The following GRK7 variants were observed in gnomAD, a reference collection of about 807,000 sequenced individuals.
GRK7 encodes rhodopsin kinase GRK7.
In GRK7, 24 loss-of-function variants were observed where a neutral mutation model predicts 34.1. The observed-to-expected ratio is 0.70, with a 90% confidence interval of 0.51 to 0.99. The LOEUF (loss-of-function observed/expected upper bound fraction) is 0.99. GRK7 is among the 50% of genes least tolerant of loss of function. The pLI is 0.00. For synonymous variants in GRK7, 256 were observed against 279.4 expected (o/e 0.92, Z 0.84); for missense variants, 644 against 707.3 (o/e 0.91, Z 1.02).
intron 1 of GRK7, among the ~76,000 whole-genome samples, chr3:141,770,994 CAAAAAA>C (rs55988355): frequency 2.4e-5 from 2 of 84,768 alleles, no homozygotes; most frequent in African/African-American, 9.3e-5. Flanking sequence ...TACCCAGTCT[CAAAAAA>C]AAAAAAAAAA....
rs1236022486 is a variant in GRK7 at position 141,802,861 on chromosome 3, C to T, written c.1051-4784C>T. Among the ~76,000 whole-genome samples the T allele has an allele frequency of 2.0e-5, 3 of 152,258 alleles. No individual in the cohort carries two copies. The East Asian group carries it at 5.8e-4, about 29-fold the overall frequency. Reference sequence around the variant, plus strand: ...CTCTCTCCTGTGCTTCCTCCTTGTGCCTCTTCCAGAAGACTCCCTTGTGCC... The same window carrying T: ...CTCTCTCCTGTGCTTCCTCCTTGTGTCTCTTCCAGAAGACTCCCTTGTGCC... On this transcript the variant is annotated intron_variant, in intron 4 of 5. Coordinates refer to ENST00000682958, the MANE Select transcript of GRK7 (RefSeq NM_139209.3).
intron 4 of GRK7, among the ~76,000 whole-genome samples, chr3:141,804,911 T>TCA (rs145896782): frequency 6.7e-6 from 1 of 149,238 alleles, no homozygotes; most frequent in African/African-American, 2.5e-5. Flanking sequence ...ATACGCATGC[T>TCA]CACACACACA....
chr3:141,774,347 A>G (rs7630272), intron 1 of GRK7, among the ~76,000 whole-genome samples: 85,126 of 151,864 alleles, frequency 0.56, 26,145 homozygotes, highest in Middle Eastern at 0.74. Flanking sequence ...CCTTGAGCCC[A>G]GGAGGTTGAG....
At chr3:141,783,661 G>A (rs1415302496) in intron 4 of GRK7, among the ~76,000 whole-genome samples, 1 of 152,188 alleles carries the variant, frequency 6.6e-6, no homozygotes, top group East Asian at 1.9e-4. Context: ...ACTCTGGAAG[G>A]GGGAGACTGG....
At chr3:141,810,652 G>A (rs989694444) in intron 5 of GRK7, among the ~76,000 whole-genome samples, 4 of 152,100 alleles carry the variant, frequency 2.6e-5, no homozygotes, top group Admixed American at 2.6e-4. Flanking sequence ...GAGTAGCTGG[G>A]ATTACAGGCA....
chr3:141,794,251 C>T (rs1464531213), intron 4 of GRK7, among the ~76,000 whole-genome samples: 1 of 152,216 alleles, frequency 6.6e-6, no homozygotes, highest in Non-Finnish European at 1.5e-5. Context: ...CATTAAACCC[C>T]AGTAAAGGTA....
At chr3:141,797,067 A>G (rs1710891050) in intron 4 of GRK7, among the ~76,000 whole-genome samples, 1 of 152,216 alleles carries the variant, frequency 6.6e-6, no homozygotes, top group Non-Finnish European at 1.5e-5. Flanking sequence ...GATCTGAACT[A>G]CAGCAAACCA....
At chr3:141,805,058 C>CCA (rs3057590) in intron 4 of GRK7, among the ~76,000 whole-genome samples, 68 of 149,998 alleles carry the variant, frequency 4.5e-4, no homozygotes, top group East Asian at 3.2e-3. Flanking sequence ...ACTCATATGC[C>CCA]CACACACACA....
the GRK7 span, among the ~76,000 whole-genome samples, chr3:141,755,090 A>G: frequency 2.3e-4 from 35 of 152,342 alleles, no homozygotes; most frequent in African/African-American, 8.2e-4. Flanking sequence ...GGTTCTAGAG[A>G]GTACCTGTTC....
intron 4 of GRK7, among the ~76,000 whole-genome samples, chr3:141,802,303 C>T (rs918605992): frequency 1.3e-5 from 2 of 151,862 alleles, no homozygotes; most frequent in African/African-American, 4.8e-5. Context: ...CAGTTAGCCA[C>T]GATTGAACCA....
At chr3:141,766,526 G>T (rs1049602571) in intron 1 of GRK7, among the ~76,000 whole-genome samples, 1 of 146,284 alleles carries the variant, frequency 6.8e-6, no homozygotes, top group Non-Finnish European at 1.5e-5. Flanking sequence ...CACCAAATGT[G>T]AAAAAAAAAA....
intron 4 of GRK7, among the ~76,000 whole-genome samples, chr3:141,788,210 T>A (rs1466777791): frequency 6.6e-6 from 1 of 151,942 alleles, no homozygotes; most frequent in Non-Finnish European, 1.5e-5. Flanking sequence ...GTAAAGTACT[T>A]TGGATGTTGT....
chr3:141,785,343 C>A (rs1443129350), intron 4 of GRK7, among the ~76,000 whole-genome samples: 1 of 152,222 alleles, frequency 6.6e-6, no homozygotes, highest in Non-Finnish European at 1.5e-5. Flanking sequence ...ATTTCACGGA[C>A]AAGACCTCTG....
In GRK7 at chr3:141,813,391, T is replaced by C. The variant is rs140400671; in HGVS notation, c.1326-3323T>C. ...ATCCACCCGCTTTGGCCTCCCAAAA[T>C]GCTGGGATTACAGGTGTGAGCCATG... On this transcript the variant is annotated intron_variant, in intron 5 of 5. Transcript: ENST00000682958. 7.2e-3 allele frequency among the ~76,000 whole-genome samples: 1,098 copies of C among 152,332 alleles called. 17 individuals are homozygous for C. The highest frequency in any genetic ancestry group is 0.025 in the African/African-American group (1,028 of 41,570).
At chr3:141,813,183 T>C (rs934734512) in intron 5 of GRK7, among the ~76,000 whole-genome samples, 15 of 152,242 alleles carry the variant, frequency 9.9e-5, no homozygotes, top group African/African-American at 3.6e-4. Flanking sequence ...TGGACTGCAA[T>C]GGCCCGATCT....
At chr3:141,797,864 G>C (rs1427530521) in intron 4 of GRK7, among the ~76,000 whole-genome samples, 1 of 152,166 alleles carries the variant, frequency 6.6e-6, no homozygotes, top group Non-Finnish European at 1.5e-5. Context: ...AGGGTTGCTC[G>C]TGTCCTTGAC....
At chr3:141,803,864 G>C (rs1054357561) in intron 4 of GRK7, among the ~76,000 whole-genome samples, 17 of 151,996 alleles carry the variant, frequency 1.1e-4, no homozygotes, top group Non-Finnish European at 2.2e-4. Flanking sequence ...TGGGATTACA[G>C]GCACGCCCAG....
chr3:141,774,080 C>A (rs2084628160), intron 1 of GRK7, among the ~76,000 whole-genome samples: 1 of 152,138 alleles, frequency 6.6e-6, no homozygotes, highest in African/African-American at 2.4e-5. Flanking sequence ...TTTAATTGAA[C>A]CTATAATTAC....
In GRK7 at chr3:141,765,609, C is replaced by T. The variant is rs2107869981; in HGVS notation, c.-344C>T. On this transcript the variant is annotated 5_prime_UTR_variant, in exon 1 of 6. Coordinates refer to ENST00000682958, the MANE Select transcript of GRK7 (RefSeq NM_139209.3). Reference sequence around the variant, plus strand: ...GCCTTCACCCTTTTGGAAAACTGCTCTGAGGCCATCATGCTTTGAGGAAGC... The same window carrying T: ...GCCTTCACCCTTTTGGAAAACTGCTTTGAGGCCATCATGCTTTGAGGAAGC... Among the ~76,000 whole-genome samples, 1 of 152,194 alleles carries T rather than the reference C, an allele frequency of 6.6e-6. No individual in the cohort carries two copies. Among genetic ancestry groups the T allele is most frequent in the South Asian group, 2.1e-4 (1 of 4,824 alleles).
Sources: gnomAD v4.1 joint callset for allele counts (sites outside exome capture counted in the v4.1 genomes callset) on GRCh38, gnomAD v4.1.1 for gene constraint, MANE v1.5 for transcripts, NCBI Gene and HGNC (gene_info 2026-07-23, HGNC 2026-07-21) for gene names.